Variants in CREB3L2 observed in about 807,000 individuals in gnomAD.
CREB3L2 encodes the protein cyclic AMP-responsive element-binding protein 3-like protein 2.
Under a neutral mutation model 57.2 loss-of-function variants are expected in CREB3L2, and 23 were observed. The ratio of observed to expected loss-of-function variants is 0.40; its 90% confidence interval spans 0.29 to 0.57. The LOEUF is 0.57. CREB3L2 is among the 20% of genes least tolerant of loss of function. The probability of loss-of-function intolerance (pLI) is 0.42; values close to 1 mark genes in which losing one functional copy is unlikely to be tolerated. For synonymous variants in CREB3L2, 268 were observed against 265.1 expected (o/e 1.01, Z -0.11); for missense variants, 628 against 634.7 (o/e 0.99, Z 0.11).
chr7:137,929,446 C>T (rs1224353128), intron 1 of CREB3L2, among the ~76,000 whole-genome samples: 2 of 152,024 alleles, frequency 1.3e-5, no homozygotes, highest in Admixed American at 6.6e-5. Flanking sequence ...CACTAGATGC[C>T]GGTAGCACTC....
In CREB3L2 at chr7:137,880,343, C is replaced by T; in HGVS notation, c.*133G>A. The T allele has an allele frequency of 1.4e-6, 1 of 727,774 alleles. No homozygotes were observed. The highest frequency in any genetic ancestry group is 2.4e-6 in the Non-Finnish European group (1 of 414,014). The allele number at this position is 727,774 out of a possible 1,614,324, so 45.1% of individuals were successfully genotyped here. ...CTGCAGGGAAGTCCCAGGCTGGTCT[C>T]CAATCTGAAGCCACTAATGCTTGCC... On this transcript the variant is annotated 3_prime_UTR_variant, in exon 12 of 12. Coordinates refer to ENST00000330387, the MANE Select transcript of CREB3L2 (RefSeq NM_194071.4). This position sits in a 1 kb window ranked among gnomAD's most constrained non-coding sequence, Gnocchi z 4.0.
intron 2 of CREB3L2, chr7:137,922,915 A>G (rs1433878124): frequency 4.8e-6 from 1 of 207,052 alleles, no homozygotes; most frequent in Admixed American, 5.5e-5. Flanking sequence ...AAGGAAAAAT[A>G]TAATGGCTAG....
chr7:137,975,745 A>G (rs539626082), intron 1 of CREB3L2, among the ~76,000 whole-genome samples: 4 of 152,230 alleles, frequency 2.6e-5, no homozygotes, highest in Non-Finnish European at 4.4e-5. Flanking sequence ...AAAAGAAGTA[A>G]ATAAATTAAT....
intron 1 of CREB3L2, among the ~76,000 whole-genome samples, chr7:137,929,867 T>A (rs1380063345): frequency 1.3e-5 from 2 of 149,480 alleles, no homozygotes; most frequent in Non-Finnish European, 3.0e-5. Context: ...AGACTCCATC[T>A]CAAAATAAAT....
At chr7:137,990,043 A>C (rs907024921) in intron 1 of CREB3L2, among the ~76,000 whole-genome samples, 2 of 152,070 alleles carry the variant, frequency 1.3e-5, no homozygotes, top group Admixed American at 6.5e-5. Flanking sequence ...TCTAAAATAC[A>C]TTTCTGCTCC....
intron 1 of CREB3L2, among the ~76,000 whole-genome samples, chr7:137,968,610 T>C (rs274014): frequency 0.51 from 77,057 of 152,094 alleles, 20,912 homozygotes; most frequent in East Asian, 0.73. Context: ...CAGTCTATCA[T>C]TGATGGACAT....
At chr7:137,931,041 G>A (rs1312723261) in intron 1 of CREB3L2, among the ~76,000 whole-genome samples, 1 of 151,786 alleles carries the variant, frequency 6.6e-6, no homozygotes, top group African/African-American at 2.4e-5. Flanking sequence ...AAACCAGCCT[G>A]GGCAACATAG....
intron 1 of CREB3L2, chr7:137,935,993 A>T (rs273982): frequency 1.0e-6 from 1 of 965,716 alleles, no homozygotes; most frequent in Non-Finnish European, 1.2e-6. Context: ...CCCTAAGATC[A>T]GAGGTCACGA....
At position 137,876,069 on chromosome 7, in the gene CREB3L2, G is replaced by A. The variant is rs951821473; in HGVS notation, c.*4407C>T. 1.3e-5 allele frequency: 3 copies of A among 231,148 alleles called. No homozygotes were observed. Among genetic ancestry groups the A allele is most frequent in the African/African-American group, 6.6e-5 (3 of 45,164 alleles). The allele number at this position is 231,148 out of a possible 1,614,324, so 14.3% of individuals were successfully genotyped here. On this transcript the variant is annotated 3_prime_UTR_variant, in exon 12 of 12. Coordinates refer to ENST00000330387, the MANE Select transcript of CREB3L2 (RefSeq NM_194071.4). The stretch of plus-strand genomic sequence containing the variant: ...AATCCTGGCTGGTTGTTTTTTTGAT[G>A]TGATTGCACTCCTGCAAACTGGGAT...
intron 7 of CREB3L2, 62 bp downstream of exon 7, chr7:137,903,897 G>A (rs1341337880): frequency 5.9e-6 from 8 of 1,355,006 alleles, no homozygotes; most frequent in East Asian, 2.3e-5. Context: ...CCGATTCTCC[G>A]CACACCCATA....
intron 1 of CREB3L2, among the ~76,000 whole-genome samples, chr7:137,937,180 G>A (rs1381094626): frequency 1.3e-5 from 2 of 152,326 alleles, no homozygotes; most frequent in Middle Eastern, 3.4e-3. Flanking sequence ...CTTAAAAATC[G>A]TGGCTAGGAG....
At chr7:137,881,013 T>G (rs192850907) in intron 11 of CREB3L2, among the ~76,000 whole-genome samples, 9 of 152,318 alleles carry the variant, frequency 5.9e-5, no homozygotes, top group Admixed American at 2.6e-4. Context: ...ATTATTAAAT[T>G]GTGTAACAAC....
intron 4 of CREB3L2, among the ~76,000 whole-genome samples, chr7:137,908,665 C>T (rs545449806): frequency 2.0e-5 from 3 of 152,182 alleles, no homozygotes; most frequent in African/African-American, 4.8e-5. Flanking sequence ...GAAGTGAATA[C>T]AAGAAACCAA....
At chr7:137,885,986 T>C (rs1262734685) in intron 8 of CREB3L2, among the ~76,000 whole-genome samples, 1 of 152,176 alleles carries the variant, frequency 6.6e-6, no homozygotes, top group Admixed American at 6.5e-5. Context: ...TATAAGGAGC[T>C]GAAAAGACTA....
At chr7:137,894,496 T>C (rs910194689) in intron 8 of CREB3L2, among the ~76,000 whole-genome samples, 1 of 152,168 alleles carries the variant, frequency 6.6e-6, no homozygotes, top group Admixed American at 6.5e-5. Context: ...CACAAAGAGC[T>C]GTCTCTGTCT....
intron 5 of CREB3L2, 21 bp from the exon 6 acceptor site, chr7:137,905,869 A>G (rs754093954): frequency 6.3e-7 from 1 of 1,575,122 alleles, no homozygotes. Context: ...CAAGGAGCAG[A>G]AAAGGGTCAA....
intron 1 of CREB3L2, among the ~76,000 whole-genome samples, chr7:137,997,727 AAAAAT>A (rs34954362): frequency 0.82 from 123,483 of 150,080 alleles, 51,879 homozygotes; most frequent in Non-Finnish European, 0.92. Context: ...GACCCATCTC[AAAAAT>A]AAAATAAAAT....
At chr7:137,882,685 T>G in intron 10 of CREB3L2, 57 bp from the exon 11 acceptor site, 3 of 1,223,112 alleles carry the variant, frequency 2.5e-6, no homozygotes, top group Non-Finnish European at 3.4e-6. Flanking sequence ...GTCCAACACA[T>G]TCCCTCACTC....
intron 8 of CREB3L2, among the ~76,000 whole-genome samples, chr7:137,895,433 G>A (rs997420853): frequency 5.9e-5 from 9 of 152,148 alleles, no homozygotes; most frequent in East Asian, 1.9e-4. Context: ...TGCAATTAGC[G>A]GATCACCTCA....
Sources: allele counts gnomAD v4.1 joint callset (sites outside exome capture counted in the v4.1 genomes callset), GRCh38; gene constraint gnomAD v4.1.1; non-coding constraint Gnocchi (gnomAD v3.1); transcripts MANE v1.5; gene names NCBI Gene and HGNC (gene_info 2026-07-23, HGNC 2026-07-21).